SPIRE1: variants seen among roughly 807,000 people sequenced by gnomAD.
SPIRE1 encodes the protein spire type actin nucleation factor 1, also known as protein spire homolog 1.
Under a neutral mutation model 94.1 loss-of-function variants are expected in SPIRE1, and 40 were observed. The ratio of observed to expected loss-of-function variants is 0.43; its 90% CI spans 0.33 to 0.55. The LOEUF is 0.55. Among genes scored for constraint, SPIRE1 ranks in the 20% least tolerant of loss-of-function variants. The pLI is 0.06. For missense variants in SPIRE1, 838 were observed against 975.2 expected, an observed-to-expected ratio of 0.86 and a Z score of 1.87; for synonymous variants, 376 against 371.7, an observed-to-expected ratio of 1.01 and a Z score of -0.13.
chr18:12,610,718 C>A (rs1365626615), intron 2 of SPIRE1, among the ~76,000 whole-genome samples: 1 of 152,132 alleles, frequency 6.6e-6, no homozygotes, highest in Non-Finnish European at 1.5e-5. Flanking sequence ...CACGCATTTC[C>A]TTGGTCCACT....
intron 10 of SPIRE1, among the ~76,000 whole-genome samples, chr18:12,476,557 AAAAAAAAATATATAT>A (rs1484680092): frequency 1.5e-4 from 13 of 84,340 alleles, no homozygotes; most frequent in African/African-American, 7.8e-4. Context: ...AAAAAAAAAA[AAAAAAAAATATATAT>A]ATATATATAT....
At chr18:12,609,600 A>C (rs777480181) in intron 2 of SPIRE1, among the ~76,000 whole-genome samples, 2 of 152,022 alleles carry the variant, frequency 1.3e-5, no homozygotes, top group African/African-American at 2.4e-5. Context: ...ACGATCTGAG[A>C]CCTATTTCTG....
intron 4 of SPIRE1, among the ~76,000 whole-genome samples, chr18:12,531,968 TGATGCACTC>T (rs2034695542): frequency 6.6e-6 from 1 of 152,188 alleles, no homozygotes; most frequent in East Asian, 1.9e-4. Context: ...TCATACAACC[TGATGCACTC>T]GATGGATTGC....
At chr18:12,606,543 T>TG (rs1265654654) in intron 2 of SPIRE1, among the ~76,000 whole-genome samples, 1 of 151,878 alleles carries the variant, frequency 6.6e-6, no homozygotes, top group Non-Finnish European at 1.5e-5. Flanking sequence ...ATTTTTTTTT[T>TG]TTTTTGAGAC....
chr18:12,555,584 A>G (rs2035480945), intron 2 of SPIRE1, among the ~76,000 whole-genome samples: 1 of 152,226 alleles, frequency 6.6e-6, no homozygotes, highest in African/African-American at 2.4e-5. Flanking sequence ...GATTATTCCA[A>G]CTGATGTTGA....
At chr18:12,658,446 G>A, upstream of SPIRE1, 1 of 414,920 alleles carries the variant, frequency 2.4e-6, no homozygotes, top group Non-Finnish European at 5.0e-6. Flanking sequence ...CGGTCGGGGG[G>A]CGCAGGGGCA....
At chr18:12,641,584 G>C (rs1020858834) in intron 1 of SPIRE1, among the ~76,000 whole-genome samples, 3 of 151,816 alleles carry the variant, frequency 2.0e-5, no homozygotes, top group Admixed American at 6.6e-5. Context: ...GGCCAGGATG[G>C]TCTTGATCTC....
Position 12,449,259 on chromosome 18 carries a change from C to G in SPIRE1, c.*379G>C. ...ATATGACTTACTGCTTAGGGCTGTG[C>G]TGACATCGGCATCTCTGTTAGACTG... On this transcript the variant is annotated 3_prime_UTR_variant, in exon 17 of 17. Transcript: ENST00000409402. The G allele has an allele frequency of 4.2e-6, 1 of 235,822 alleles. No homozygotes were observed. The highest frequency in any genetic ancestry group is 8.3e-6 in the Non-Finnish European group (1 of 119,812). 14.6% of individuals were successfully genotyped at this position (235,822 alleles called of 1,614,324 possible).
At chr18:12,657,167 CGCACAGGCCGCTGGCCCGGAGCAGG>C (rs908727311) in intron 1 of SPIRE1, among the ~76,000 whole-genome samples, 2 of 152,232 alleles carry the variant, frequency 1.3e-5, no homozygotes, top group African/African-American at 4.8e-5. Flanking sequence ...CGGCGTGAGG[CGCACAGGCCGCTGGCCCGGAGCAGG>C]GCCCAGCCCA....
At chr18:12,634,260 A>AT (rs2037860045) in intron 2 of SPIRE1, among the ~76,000 whole-genome samples, 1 of 18,798 alleles carries the variant, frequency 5.3e-5, no homozygotes, top group South Asian at 5.5e-3. Flanking sequence ...AATAAAAATA[A>AT]AAAAAAAAAA....
chr18:12,485,385 G>A (rs527544855), intron 9 of SPIRE1, among the ~76,000 whole-genome samples: 1 of 152,126 alleles, frequency 6.6e-6, no homozygotes, highest in Admixed American at 6.5e-5. Flanking sequence ...GATTACAGGC[G>A]TGAGCCACCG....
At chr18:12,637,010 G>A (rs2037947720) in intron 1 of SPIRE1, among the ~76,000 whole-genome samples, 1 of 152,218 alleles carries the variant, frequency 6.6e-6, no homozygotes. Flanking sequence ...GGAAGAGAGA[G>A]AGGGAGGAAG....
chr18:12,635,242 C>A (rs1017946263), intron 1 of SPIRE1, 146 bp from the exon 2 acceptor site: 29 of 484,472 alleles, frequency 6.0e-5, no homozygotes, highest in Non-Finnish European at 8.1e-5. Context: ...GACCAAATAT[C>A]CCTGAAGGTC....
chr18:12,489,530 T>C (rs1424624201), intron 8 of SPIRE1, among the ~76,000 whole-genome samples: 2 of 152,176 alleles, frequency 1.3e-5, no homozygotes, highest in African/African-American at 4.8e-5. Context: ...AGGACAAAAA[T>C]TGAGGATGTC....
intron 2 of SPIRE1, among the ~76,000 whole-genome samples, chr18:12,553,408 T>C (rs1366791231): frequency 6.6e-6 from 1 of 151,322 alleles, no homozygotes; most frequent in Non-Finnish European, 1.5e-5. Context: ...GGAAAGGCCT[T>C]GGGCCCTCAA....
chr18:12,512,386 C>CA (rs5823223), intron 5 of SPIRE1, 68 bp downstream of exon 5: 29,709 of 1,023,066 alleles, frequency 0.029, 2 homozygotes, highest in African/African-American at 0.046. Context: ...GACTCTGTCT[C>CA]AAAAAAAAAA....
chr18:12,569,636 C>A lies in SPIRE1; in HGVS notation c.373-22732G>T, dbSNP rs200987472. On this transcript the variant is annotated intron_variant, in intron 2 of 16. Coordinates refer to ENST00000409402, the MANE Select transcript of SPIRE1 (RefSeq NM_001128626.2). ...TAGAAATGTTTAAAAACAACAACAA[C>A]AAAAAAAAAAAACAAGAGAAAAGAC... 5.2e-3 allele frequency among the ~76,000 whole-genome samples: 736 copies of A among 142,048 alleles called. 4 individuals are homozygous for A. The highest frequency in any genetic ancestry group is 0.015 in the Middle Eastern group (4 of 266). The allele number at this position is 142,048 out of a possible 152,430, so 93.2% of individuals were successfully genotyped here. A position where few individuals can be genotyped will look rare whatever the true frequency, so the allele number is the denominator to read the frequency against.
upstream of SPIRE1, among the ~76,000 whole-genome samples, chr18:12,661,150 A>C (rs1306848748): frequency 6.6e-6 from 1 of 152,058 alleles, no homozygotes; most frequent in Non-Finnish European, 1.5e-5. Flanking sequence ...TCTACTAAAA[A>C]TACAAAAATT....
At chr18:12,600,697 T>C (rs113099610) in intron 2 of SPIRE1, among the ~76,000 whole-genome samples, 8 of 152,296 alleles carry the variant, frequency 5.3e-5, no homozygotes, top group African/African-American at 1.9e-4. Flanking sequence ...ATCAGTTTTA[T>C]TTGGTAACTA....
Sources: allele counts gnomAD v4.1 joint callset (sites outside exome capture counted in the v4.1 genomes callset), GRCh38; gene constraint gnomAD v4.1.1; transcripts MANE v1.5; gene names NCBI Gene and HGNC (gene_info 2026-07-23, HGNC 2026-07-21).